RTN3: variants seen among roughly 807,000 people sequenced by gnomAD.
RTN3 encodes reticulon-3.
A neutral mutation model predicts 77.8 loss-of-function variants in RTN3; 49 were observed. The ratio of observed to expected loss-of-function variants is 0.63; its 90% CI spans 0.50 to 0.80. The LOEUF (loss-of-function observed/expected upper bound fraction) is 0.80, where lower values mean the gene tolerates loss of function less well. RTN3 is among the 30% of genes least tolerant of loss of function. The pLI, the probability that RTN3 is intolerant of heterozygous loss-of-function variation, is 0.00. For missense variants in RTN3, 1,236 were observed against 1,211.9 expected (o/e 1.02, Z -0.29); for synonymous variants, 464 against 446.9 (o/e 1.04, Z -0.48).
intron 1 of RTN3, among the ~76,000 whole-genome samples, chr11:63,703,679 A>T (rs1347557294): frequency 2.0e-5 from 3 of 151,434 alleles, no homozygotes; most frequent in African/African-American, 7.3e-5. Flanking sequence ...AGTAGCTGGG[A>T]CTACAGGCGC....
intron 3 of RTN3, among the ~76,000 whole-genome samples, chr11:63,744,040 G>A (rs575057046): frequency 3.9e-5 from 6 of 151,964 alleles, no homozygotes; most frequent in African/African-American, 1.4e-4. Flanking sequence ...TCAGGAGTTC[G>A]AGACCAGCCT....
chr11:63,754,185 G>A (rs2014245770), intron 7 of RTN3, among the ~76,000 whole-genome samples: 1 of 152,118 alleles, frequency 6.6e-6, no homozygotes, highest in South Asian at 2.1e-4. Flanking sequence ...GAATCTACTT[G>A]AGCCTGGGAG....
At chr11:63,711,283 C>CA (rs1055637757) in intron 2 of RTN3, among the ~76,000 whole-genome samples, 14 of 147,644 alleles carry the variant, frequency 9.5e-5, no homozygotes, top group South Asian at 2.1e-4. Flanking sequence ...GAGACTGTCT[C>CA]AAAAAAAAAG....
chr11:63,729,908 TC>T (rs1437401675), intron 3 of RTN3, among the ~76,000 whole-genome samples: 1 of 151,978 alleles, frequency 6.6e-6, no homozygotes, highest in African/African-American at 2.4e-5. Flanking sequence ...TCCTCCCACT[TC>T]ACCTTTTTGG....
At chr11:63,752,479 G>A in intron 4 of RTN3, 28 bp from the exon 5 acceptor site, 1 of 1,605,916 alleles carries the variant, frequency 6.2e-7, no homozygotes, top group Non-Finnish European at 8.5e-7. Flanking sequence ...CATGTCAAAT[G>A]TATGACTGTT....
intron 2 of RTN3, among the ~76,000 whole-genome samples, chr11:63,715,310 CT>C (rs1336659537): frequency 6.6e-6 from 1 of 152,158 alleles, no homozygotes; most frequent in Non-Finnish European, 1.5e-5. Flanking sequence ...ATTTTGTAGA[CT>C]TTCATCTGTA....
At chr11:63,753,032 G>T in intron 5 of RTN3, 37 bp from the exon 6 acceptor site, 1 of 1,597,806 alleles carries the variant, frequency 6.3e-7, no homozygotes, top group South Asian at 1.1e-5. Context: ...TTTGCCTTAC[G>T]GTTATTCCTG....
chr11:63,719,999 G>A lies in RTN3; in HGVS notation c.1497G>A (p.Glu499=), dbSNP rs2011638521. 1.2e-6 allele frequency: 2 copies of A among 1,614,188 alleles called. No individual in the cohort carries two copies. The highest frequency in any genetic ancestry group is 4.5e-5 in the East Asian group (2 of 44,886). ...TCACAGAAGCTGATAGTTCTGGTGA[G>A]TCTGATGACACAGTAATAGAGGACA... ...GEITEADSSG[E]SDDTVIEDIT... is the part of the protein sequence containing the mutation. Residue 499 remains glutamate, a synonymous_variant, in exon 3 of 9, where the codon GAG becomes GAA. Coordinates refer to ENST00000377819, the MANE Select transcript of RTN3 (RefSeq NM_001265589.2).
At position 63,752,514 on chromosome 11, in the gene RTN3, C is replaced by T. The variant is rs775208658; in HGVS notation, c.2746C>T (p.Leu916=). ...SEEGHPFKAY[L]DVDITLSSEA... ...TATTTCTTCTTCTGGAAGAGCCTAC[C>T]TGGACGTAGACATTACTCTGTCCTC... Residue 916 remains leucine (L), a synonymous_variant, in exon 5 of 9, where the codon CTG becomes TTG. Coordinates refer to ENST00000377819, the MANE Select transcript of RTN3 (RefSeq NM_001265589.2). 6.2e-7 allele frequency: 1 copy of T among 1,612,982 alleles called. No individual in the cohort carries two copies. The highest frequency in any genetic ancestry group is 8.5e-7 in the Non-Finnish European group (1 of 1,179,062).
intron 2 of RTN3, among the ~76,000 whole-genome samples, chr11:63,708,085 G>A (rs1942583527): frequency 1.3e-5 from 2 of 152,098 alleles, no homozygotes; most frequent in Admixed American, 1.3e-4. Context: ...AAAAATAAGG[G>A]AAGAGGAAGC....
intron 3 of RTN3, among the ~76,000 whole-genome samples, chr11:63,745,105 C>T (rs951895999): frequency 2.0e-5 from 3 of 152,160 alleles, no homozygotes; most frequent in African/African-American, 7.2e-5. Flanking sequence ...TTGGCAACTG[C>T]CTCATTTCTC....
intron 2 of RTN3, among the ~76,000 whole-genome samples, chr11:63,706,515 T>C (rs1385979022): frequency 6.6e-6 from 1 of 152,200 alleles, no homozygotes; most frequent in African/African-American, 2.4e-5. Context: ...CAATTTGTTT[T>C]AATTTAAACT....
chr11:63,731,806 C>G (rs766079043), intron 3 of RTN3, among the ~76,000 whole-genome samples: 6 of 152,122 alleles, frequency 3.9e-5, no homozygotes, highest in Non-Finnish European at 8.8e-5. Flanking sequence ...GCGTGCGCCA[C>G]TACACCCAGC....
intron 2 of RTN3, among the ~76,000 whole-genome samples, chr11:63,711,939 C>T (rs2011170715): frequency 6.6e-6 from 1 of 152,174 alleles, no homozygotes; most frequent in South Asian, 2.1e-4. Context: ...TCAAGCAATC[C>T]TCCCACCTGG....
intron 3 of RTN3, among the ~76,000 whole-genome samples, chr11:63,725,785 C>A (rs1157497871): frequency 2.6e-5 from 4 of 152,162 alleles, no homozygotes; most frequent in Admixed American, 1.3e-4. Flanking sequence ...TCTGTTTTTA[C>A]ACATATGTGA....
At chr11:63,710,482 T>C (rs997576156) in intron 2 of RTN3, among the ~76,000 whole-genome samples, 1 of 152,196 alleles carries the variant, frequency 6.6e-6, no homozygotes, top group Non-Finnish European at 1.5e-5. Context: ...TTTTTTTCCT[T>C]ATTCCAATAA....
rs752551555 is a variant in RTN3, at chr11:63,720,245, A to G, written c.1743A>G (p.Ala581=). The part of the protein sequence containing the change: ...ILGRSPASEA[A]CSKVPDTNVS... ...GAAGGAGTCCAGCTAGTGAGGCAGC[A>G]TGTTCAAAAGTACCCGATACGAATG... Residue 581 remains alanine (A), a synonymous_variant, in exon 3 of 9, where the codon GCA becomes GCG. Coordinates refer to ENST00000377819, the MANE Select transcript of RTN3 (RefSeq NM_001265589.2). 5 of 1,614,028 alleles carry G rather than the reference A, an allele frequency of 3.1e-6. No individual in the cohort carries two copies. The African/African-American group carries it at 5.3e-5, about 17-fold the overall frequency.
At chr11:63,730,297 G>T (rs925174042) in intron 3 of RTN3, among the ~76,000 whole-genome samples, 4 of 152,126 alleles carry the variant, frequency 2.6e-5, no homozygotes, top group African/African-American at 9.7e-5. Context: ...AAAGACACAG[G>T]TTGAAAGTAA....
At chr11:63,748,296 G>A (rs987607241) in intron 3 of RTN3, among the ~76,000 whole-genome samples, 8 of 148,446 alleles carry the variant, frequency 5.4e-5, no homozygotes, top group Admixed American at 1.4e-4. Context: ...TGGGAAAATC[G>A]AAATACTTCT....
Sources: gnomAD v4.1 joint callset for allele counts (sites outside exome capture counted in the v4.1 genomes callset) on GRCh38, gnomAD v4.1.1 for gene constraint, MANE v1.5 for transcripts, NCBI Gene and HGNC (gene_info 2026-07-23, HGNC 2026-07-21) for gene names.